KCNIP4: variants seen among roughly 807,000 people sequenced by gnomAD.
The protein encoded by KCNIP4 is Kv channel-interacting protein 4.
A neutral mutation model predicts 34.0 loss-of-function variants in KCNIP4; 12 were observed. The ratio of observed to expected loss-of-function variants is 0.35; its 90% confidence interval spans 0.23 to 0.57. KCNIP4 has a LOEUF of 0.57. Among genes scored for constraint, KCNIP4 ranks in the 20% least tolerant of loss-of-function variants. KCNIP4 has a pLI of 0.83. For missense variants in KCNIP4, 238 were observed against 311.7 expected (o/e 0.76, Z 1.78); for synonymous variants, 124 against 102.2 (o/e 1.21, Z -1.29).
chr4:20,742,664 A>G (rs2078482212), intron 5 of KCNIP4, among the ~76,000 whole-genome samples: 1 of 152,198 alleles, frequency 6.6e-6, no homozygotes, highest in Non-Finnish European at 1.5e-5. Flanking sequence ...CAAGACAGGG[A>G]TGCCCTCTCT....
intron 3 of KCNIP4, among the ~76,000 whole-genome samples, chr4:20,813,281 C>G (rs536215309): frequency 6.6e-6 from 1 of 152,070 alleles, no homozygotes; most frequent in East Asian, 1.9e-4. Context: ...ATTGCCAAAC[C>G]TCAACAAAGG....
chr4:21,624,578 T>C (rs1745204435), intron 1 of KCNIP4, among the ~76,000 whole-genome samples: 1 of 152,208 alleles, frequency 6.6e-6, no homozygotes, highest in African/African-American at 2.4e-5. Context: ...TAAAAAGTTA[T>C]CATATTTCAT....
At chr4:21,336,871 T>A (rs73802577) in intron 1 of KCNIP4, among the ~76,000 whole-genome samples, 56 of 152,176 alleles carry the variant, frequency 3.7e-4, no homozygotes, top group African/African-American at 1.3e-3. Context: ...AAAACACACA[T>A]ACGCAACTTT....
intron 5 of KCNIP4, among the ~76,000 whole-genome samples, chr4:20,744,533 C>G (rs533476144): frequency 4.0e-5 from 6 of 151,882 alleles, no homozygotes; most frequent in Non-Finnish European, 5.9e-5. Context: ...AACCAAACAC[C>G]GCATGTTCTC....
At chr4:21,604,793 CT>C (rs1004578264) in intron 1 of KCNIP4, among the ~76,000 whole-genome samples, 2 of 152,118 alleles carry the variant, frequency 1.3e-5, no homozygotes, top group African/African-American at 4.8e-5. Flanking sequence ...TCAAGCAATT[CT>C]TTTGAAAATC....
chr4:21,631,111 C>G (rs1475768210), intron 1 of KCNIP4, among the ~76,000 whole-genome samples: 1 of 152,150 alleles, frequency 6.6e-6, no homozygotes. Context: ...TTGTTGCTCA[C>G]AAGTTATATA....
chr4:20,914,413 C>T (rs1014863331), intron 1 of KCNIP4, among the ~76,000 whole-genome samples: 3 of 152,014 alleles, frequency 2.0e-5, no homozygotes, highest in East Asian at 1.9e-4. Context: ...GGAGAGCTCC[C>T]GCATCCCTTT....
At chr4:21,014,217 A>T (rs1739301879) in intron 1 of KCNIP4, among the ~76,000 whole-genome samples, 1 of 152,194 alleles carries the variant, frequency 6.6e-6, no homozygotes, top group South Asian at 2.1e-4. Flanking sequence ...CTTCACATCC[A>T]AGAGGTCCTT....
At chr4:21,651,992 C>G (rs1747518206) in intron 1 of KCNIP4, among the ~76,000 whole-genome samples, 2 of 152,154 alleles carry the variant, frequency 1.3e-5, no homozygotes, top group Non-Finnish European at 2.9e-5. Context: ...TTATAGTCCT[C>G]TTAATATTAC....
At chr4:21,351,822 CT>C (rs1017640327) in intron 1 of KCNIP4, among the ~76,000 whole-genome samples, 16 of 152,262 alleles carry the variant, frequency 1.1e-4, no homozygotes, top group African/African-American at 3.9e-4. Flanking sequence ...CTGCAGACAC[CT>C]AAATTTTGGA....
intron 1 of KCNIP4, among the ~76,000 whole-genome samples, chr4:21,433,183 A>G (rs1428148702): frequency 3.3e-5 from 5 of 152,238 alleles, no homozygotes; most frequent in Admixed American, 3.3e-4. Flanking sequence ...GGATATTAAA[A>G]GACATGATGC....
intron 1 of KCNIP4, among the ~76,000 whole-genome samples, chr4:21,011,776 T>C (rs2149733078): frequency 6.6e-6 from 1 of 152,318 alleles, no homozygotes; most frequent in East Asian, 1.9e-4. Context: ...AAAATCATAT[T>C]TCCAAAGTGG....
At chr4:20,990,961 T>C (rs1476471696) in intron 1 of KCNIP4, among the ~76,000 whole-genome samples, 1 of 152,222 alleles carries the variant, frequency 6.6e-6, no homozygotes, top group Non-Finnish European at 1.5e-5. Flanking sequence ...CAGTGTGCTG[T>C]GTGCATTACA....
chr4:20,756,405 CT>C (rs1439520059), intron 4 of KCNIP4, among the ~76,000 whole-genome samples: 1 of 152,082 alleles, frequency 6.6e-6, no homozygotes, highest in Non-Finnish European at 1.5e-5. Context: ...TATCTCTTTT[CT>C]TTTCTATCCT....
At chr4:21,948,518 C>G in intron 1 of KCNIP4, 53 bp downstream of exon 1, 1 of 1,575,220 alleles carries the variant, frequency 6.3e-7, no homozygotes, top group East Asian at 2.3e-5. Context: ...TCTTGGCTCG[C>G]GAGGGAAGGA....
chr4:21,813,450 C>T (rs1434749421), intron 1 of KCNIP4, among the ~76,000 whole-genome samples: 3 of 152,038 alleles, frequency 2.0e-5, no homozygotes, highest in African/African-American at 7.2e-5. Flanking sequence ...TAGAATCATC[C>T]ATCTCTCAAC....
intron 1 of KCNIP4, among the ~76,000 whole-genome samples, chr4:20,992,249 A>G (rs1208371581): frequency 6.6e-6 from 1 of 152,098 alleles, no homozygotes; most frequent in East Asian, 1.9e-4. Context: ...GGCAAAGGAG[A>G]AGCAGGCACT....
At chr4:21,120,150 C>G (rs1319859453) in intron 1 of KCNIP4, among the ~76,000 whole-genome samples, 1 of 152,110 alleles carries the variant, frequency 6.6e-6, no homozygotes, top group African/African-American at 2.4e-5. Context: ...TGCTGAGGAG[C>G]CTTGGAGGCC....
intron 1 of KCNIP4, among the ~76,000 whole-genome samples, chr4:21,494,388 C>A (rs2109868999): frequency 6.6e-6 from 1 of 152,102 alleles, no homozygotes; most frequent in Middle Eastern, 3.4e-3. Flanking sequence ...AAAAAAAGAT[C>A]TAATGCAAGA....
Sources: gnomAD v4.1 joint callset for allele counts (sites outside exome capture counted in the v4.1 genomes callset) on GRCh38, gnomAD v4.1.1 for gene constraint, MANE v1.5 for transcripts, NCBI Gene and HGNC (gene_info 2026-07-23, HGNC 2026-07-21) for gene names.